Variants in NOTCH4 observed in about 807,000 individuals in gnomAD.
NOTCH4 encodes the protein neurogenic locus notch homolog protein 4.
Under a neutral mutation model 189.0 loss-of-function variants are expected in NOTCH4, and 138 were observed. The ratio of observed to expected loss-of-function variants is 0.73; its 90% CI spans 0.64 to 0.84. NOTCH4 has a LOEUF of 0.84. Among genes scored for constraint, NOTCH4 ranks in the 40% least tolerant of loss-of-function variants. NOTCH4 has a pLI of 0.00. For synonymous variants in NOTCH4, 942 were observed against 1,032.8 expected (o/e 0.91, Z 1.69); for missense variants, 2,286 against 2,605.4 (o/e 0.88, Z 2.67).
At chr6:32,215,468 A>G in intron 11 of NOTCH4, 83 bp from the exon 12 acceptor site, 1 of 1,371,084 alleles carries the variant, frequency 7.3e-7, no homozygotes. Context: ...ATTGGGCCAA[A>G]GCCACTTCTT....
intron 1 of NOTCH4, 66 bp downstream of exon 1, chr6:32,223,790 C>A: frequency 6.6e-7 from 1 of 1,526,684 alleles, no homozygotes; most frequent in South Asian, 1.2e-5. Context: ...GGCCCTCTTC[C>A]CCCACCCCAC....
intron 7 of NOTCH4, 139 bp downstream of exon 7, chr6:32,219,990 G>C (rs984608904): frequency 1.9e-6 from 2 of 1,028,864 alleles, no homozygotes; most frequent in South Asian, 2.9e-5. Flanking sequence ...GGTCATGTAG[G>C]CAAGAGATGC....
At position 32,217,385 on chromosome 6, in the gene NOTCH4, G is replaced by C; in HGVS notation, c.1625-119C>G. The C allele has an allele frequency of 1.5e-6, 1 of 662,072 alleles. No homozygotes were observed. The highest frequency in any genetic ancestry group is 2.7e-6 in the Non-Finnish European group (1 of 371,192). The allele number at this position is 662,072 out of a possible 1,614,324, so 41.0% of individuals were successfully genotyped here. The stretch of plus-strand genomic sequence containing the variant: ...GAGCTTCCCAGAGAAGACACCTGGG[G>C]CAGGTGAGCGTGGGGTGACAGGAGA... On this transcript the variant is annotated intron_variant, in intron 9 of 29. Transcript: ENST00000375023. The surrounding 1 kb of genome is among the most constrained non-coding windows in gnomAD (Gnocchi z 4.2).
rs1220035631 is a variant in NOTCH4, at chr6:32,202,598, C to T, written c.3233G>A (p.Gly1078Asp). 6.3e-7 allele frequency: 1 copy of T among 1,580,590 alleles called. No individual in the cohort carries two copies. The highest frequency in any genetic ancestry group is 2.3e-5 in the East Asian group (1 of 44,234). The change falls in exon 21 of 30, where the codon GGT becomes GAT. Residue 1078 changes from glycine (G) to aspartate (D), a missense_variant and splice_region_variant. By Grantham distance (94) the Gly-to-Asp change is moderately conservative. Around this residue, in one of 2 missense-constraint regions of NOTCH4, gnomAD observed 1,903 missense variants for 2,261.9 expected, o/e 0.84. Transcript: ENST00000375023. The surrounding 1 kb of genome is among the most constrained non-coding windows in gnomAD (Gnocchi z 5.7). ...PLGFICHCPKGFEGPTCSHRA... is the reference protein window; with the variant it reads ...PLGFICHCPKDFEGPTCSHRA... ...GTGGCTGCAGGTGGGGCCTTCAAAA[C>T]CCTGTGGAGGGGAGGGGAGATATTG...
chr6:32,198,765 A>G lies in NOTCH4; in HGVS notation c.4536-35T>C. ...AATGGGTGGGTAGAGGTTACACGGA[A>G]TTATGACCATCAGGGTCTCCAAAAT... On this transcript the variant is annotated intron_variant, in intron 24 of 29. Coordinates refer to ENST00000375023, the MANE Select transcript of NOTCH4 (RefSeq NM_004557.4). The surrounding 1 kb of genome is among the most constrained non-coding windows in gnomAD (Gnocchi z 5.5). The G allele has an allele frequency of 6.3e-7, 1 of 1,576,790 alleles. No homozygotes were observed. Among genetic ancestry groups the G allele is most frequent in the Non-Finnish European group, 8.6e-7 (1 of 1,163,530 alleles).
rs745974502 is a variant in NOTCH4 at position 32,222,556 on chromosome 6, G to A, written c.406C>T (p.Gln136Ter). The A allele has an allele frequency of 2.5e-6, 4 of 1,579,248 alleles. No individual in the cohort carries two copies. Among genetic ancestry groups the A allele is most frequent in the Middle Eastern group, 3.5e-4 (2 of 5,716 alleles). ...GAGCACTGTGGGCGGCCCGAGGCCTGGATGTGGCAGCGGCCCCTTTTGGAA... is the reference window on the plus strand; with the variant it reads ...GAGCACTGTGGGCGGCCCGAGGCCTAGATGTGGCAGCGGCCCCTTTTGGAA... ...FCSKRGRCHI[Q>*]ASGRPQCSCM... The change falls in exon 3 of 30, where the codon CAG (glutamine) becomes TAG (stop). Residue 136 changes from glutamine to a stop codon, truncating the protein, a stop_gained. Transcript: ENST00000375023. LOFTEE classifies it high-confidence loss of function.
intron 3 of NOTCH4, 109 bp downstream of exon 3, chr6:32,222,402 T>G: frequency 3.1e-6 from 3 of 976,394 alleles, no homozygotes; most frequent in Non-Finnish European, 4.3e-6. Context: ...TCATGGCTTC[T>G]GTCTTCAAAG....
rs1788532830 is a variant in NOTCH4 at position 32,204,198 on chromosome 6, G to A, written c.3057C>T (p.Gly1019=). The change falls in exon 19 of 30, where the codon GGC becomes GGT. Residue 1019 remains glycine, a synonymous_variant. Coordinates refer to ENST00000375023, the MANE Select transcript of NOTCH4 (RefSeq NM_004557.4). ...ECLDQPCHPT[G]TAACHSLANA... is the part of the protein sequence containing the mutation. ...TGGCCAGAGAGTGGCAGGCTGCAGTGCCTGTGGGGTGGCAGGGCTGGTCCA... is the reference window on the plus strand; with the variant it reads ...TGGCCAGAGAGTGGCAGGCTGCAGTACCTGTGGGGTGGCAGGGCTGGTCCA... 19 of 1,612,908 alleles carry A rather than the reference G, an allele frequency of 1.2e-5. No individual in the cohort carries two copies. Among genetic ancestry groups the A allele is most frequent in the Non-Finnish European group, 1.6e-5 (19 of 1,180,026 alleles).
In NOTCH4 at chr6:32,198,446, G is replaced by T; in HGVS notation, c.4731C>A (p.Ala1577=). The T allele has an allele frequency of 1.2e-6, 2 of 1,612,934 alleles. No homozygotes were observed. The highest frequency in any genetic ancestry group is 1.7e-6 in the Non-Finnish European group (2 of 1,180,006). The change falls in exon 26 of 30, where the codon GCC becomes GCA. Residue 1577 remains alanine (A), a synonymous_variant. Transcript: ENST00000375023. The surrounding 1 kb of genome is among the most constrained non-coding windows in gnomAD (Gnocchi z 5.5). ...CAGGTCCACGGGTGTCCAGGTCAGGGGCTTCCATCTCAGATTCCTGGGGAG... is the reference window on the plus strand; with the variant it reads ...CAGGTCCACGGGTGTCCAGGTCAGGTGCTTCCATCTCAGATTCCTGGGGAG... ...LTPPQESEME[A]PDLDTRGPDG...
Position 32,201,006 on chromosome 6 carries a change from C to T in NOTCH4, c.4140G>A (p.Gly1380=), listed in dbSNP as rs1561918486. Reference sequence around the variant, plus strand: ...AATCCACACCCATGACCACCACAAACCTGTAGAGGAGGCACCTCAGAGACC... The same window carrying T: ...AATCCACACCCATGACCACCACAAATCTGTAGAGGAGGCACCTCAGAGACC... The part of the protein sequence containing the change: ...LGKETDSLSA[G]FVVVMGVDLS... The change falls in exon 23 of 30, where the codon GGG becomes GGA. Residue 1380 remains glycine, a splice_region_variant and synonymous_variant. Coordinates refer to ENST00000375023, the MANE Select transcript of NOTCH4 (RefSeq NM_004557.4). This position sits in a 1 kb window ranked among gnomAD's most constrained non-coding sequence, Gnocchi z 5.5. The T allele has an allele frequency of 1.3e-6, 2 of 1,561,234 alleles. No individual in the cohort carries two copies. Among genetic ancestry groups the T allele is most frequent in the Non-Finnish European group, 8.7e-7 (1 of 1,153,860 alleles).
intron 20 of NOTCH4, 40 bp downstream of exon 20, chr6:32,203,730 C>T (rs1182830354): frequency 6.9e-7 from 1 of 1,448,646 alleles, no homozygotes; most frequent in Non-Finnish European, 9.4e-7. Context: ...GCCTTGTCAG[C>T]ATAGGGGGCA....
chr6:32,196,173 A>T (rs1048030447), intron 29 of NOTCH4, 23 bp from the exon 30 acceptor site: 4 of 1,589,858 alleles, frequency 2.5e-6, no homozygotes, highest in East Asian at 2.2e-5. Context: ...GCCAGGGCCG[A>T]TATCAGGGAA....
At position 32,197,440 on chromosome 6, in the gene NOTCH4, G is replaced by A; in HGVS notation, c.4911C>T (p.Pro1637=). The A allele has an allele frequency of 6.4e-7, 1 of 1,559,880 alleles. No homozygotes were observed. The highest frequency in any genetic ancestry group is 8.7e-7 in the Non-Finnish European group (1 of 1,152,846). The change falls in exon 27 of 30, where the codon CCC becomes CCT. Residue 1637 remains proline, a synonymous_variant. Coordinates refer to ENST00000375023, the MANE Select transcript of NOTCH4 (RefSeq NM_004557.4). ...QAHTVGTGET[P]LHLAARFSRP... ...GGGAGAATCGGGCAGCCAGGTGCAGGGGGGTCTCCCCAGTGCCCACGGTGT... is the reference window on the plus strand; with the variant it reads ...GGGAGAATCGGGCAGCCAGGTGCAGAGGGGTCTCCCCAGTGCCCACGGTGT...
At chr6:32,211,362 G>A (rs1272546389) in intron 17 of NOTCH4, among the ~76,000 whole-genome samples, 2 of 151,614 alleles carry the variant, frequency 1.3e-5, no homozygotes, top group African/African-American at 4.8e-5. Context: ...AGGCTGAGAC[G>A]GGTGGATCAC....
chr6:32,196,366 C>G lies in NOTCH4; in HGVS notation c.5256G>C (p.Ser1752=), dbSNP rs575781566. The G allele has an allele frequency of 6.2e-7, 1 of 1,613,160 alleles. No individual in the cohort carries two copies. Among genetic ancestry groups the G allele is most frequent in the South Asian group, 1.1e-5 (1 of 91,090 alleles). The part of the protein sequence containing the change: ...AAVNNARAAR[S]LLQAGADKDA... ...CTTTATCGGCTCCGGCCTGGAGAAG[C>G]GAGCGGGCGGCTCGGGCGTTGTTCA... is the stretch of plus-strand genomic sequence containing the variant. The change falls in exon 29 of 30, where the codon TCG becomes TCC. Residue 1752 remains serine (S), a synonymous_variant. Transcript: ENST00000375023.
rs139941835 is a variant in NOTCH4, at chr6:32,201,460, C to T, written c.3796G>A (p.Gly1266Arg). The change falls in exon 22 of 30, where the codon GGG (glycine) becomes AGG (arginine). Residue 1266 changes from glycine (G) to arginine (R), a missense_variant. By Grantham distance (125) the Gly-to-Arg change is moderately radical. Around this residue, in one of 2 missense-constraint regions of NOTCH4, gnomAD observed 1,903 missense variants for 2,261.9 expected, o/e 0.84. Transcript: ENST00000375023. This position sits in a 1 kb window ranked among gnomAD's most constrained non-coding sequence, Gnocchi z 5.5. ...DQYCHDHFHN[G>R]HCEKGCNTAE... is the part of the protein sequence containing the mutation. Reference sequence around the variant, plus strand: ...GTGTTGCAGCCTTTCTCACAGTGCCCGTTGTGGAAGTGATCATGGCAGTAC... The same window carrying T: ...GTGTTGCAGCCTTTCTCACAGTGCCTGTTGTGGAAGTGATCATGGCAGTAC... 1.6e-5 allele frequency: 25 copies of T among 1,526,998 alleles called. No individual in the cohort carries two copies. In the African/African-American group the frequency reaches 2.5e-4, roughly 15 times the overall value. The allele number at this position is 1,526,998 out of a possible 1,614,324, so 94.6% of individuals were successfully genotyped here. A position where few individuals can be genotyped will look rare whatever the true frequency, so the allele number is the denominator to read the frequency against.
At chr6:32,197,245 A>G (rs1788004438) in intron 27 of NOTCH4, 54 bp downstream of exon 27, 1 of 1,514,318 alleles carries the variant, frequency 6.6e-7, no homozygotes, top group Non-Finnish European at 8.8e-7. Flanking sequence ...GCTTCTGTCC[A>G]GCTTTACTTG....
chr6:32,215,501 A>G, intron 11 of NOTCH4, 116 bp from the exon 12 acceptor site: 1 of 940,162 alleles, frequency 1.1e-6, no homozygotes, highest in African/African-American at 1.6e-5. Flanking sequence ...CTCACTCCCT[A>G]TGAACCCATG....
At chr6:32,204,109 A>C in intron 19 of NOTCH4, 28 bp downstream of exon 19, 1 of 1,609,778 alleles carries the variant, frequency 6.2e-7, no homozygotes, top group Non-Finnish European at 8.5e-7. Context: ...CTCCAGACAC[A>C]CTTGTGCCCC....
Sources: allele counts gnomAD v4.1 joint callset (sites outside exome capture counted in the v4.1 genomes callset), GRCh38; gene constraint gnomAD v4.1.1; regional missense constraint gnomAD v4.1.1; non-coding constraint Gnocchi (gnomAD v3.1); transcripts MANE v1.5; gene names NCBI Gene and HGNC (gene_info 2026-07-23, HGNC 2026-07-21).